RHAG: variants seen among roughly 807,000 people sequenced by gnomAD.
The protein encoded by RHAG is ammonium transporter Rh type A.
Under a neutral mutation model 42.4 loss-of-function variants are expected in RHAG, and 25 were observed. The observed-to-expected ratio is 0.59, with a 90% CI of 0.43 to 0.82. The LOEUF is 0.82. RHAG is among the 40% of genes least tolerant of loss of function. RHAG has a pLI of 0.00. For synonymous variants in RHAG, 182 were observed against 177.7 expected (o/e 1.02, Z -0.19); for missense variants, 483 against 504.6 (o/e 0.96, Z 0.41).
chr6:49,615,810 C>G, intron 3 of RHAG, 39 bp from the exon 4 acceptor site: 2 of 1,597,452 alleles, frequency 1.3e-6, no homozygotes, highest in Non-Finnish European at 1.7e-6. Context: ...TAGAGGTGAA[C>G]CTGAGACTCA....
intron 1 of RHAG, among the ~76,000 whole-genome samples, chr6:49,621,980 A>G (rs1457662079): frequency 6.7e-6 from 1 of 150,222 alleles, no homozygotes; most frequent in East Asian, 1.9e-4. Flanking sequence ...GTTTTTCCTA[A>G]CATTCTTTTT....
chr6:49,607,409 A>G (rs1024212490), intron 7 of RHAG, among the ~76,000 whole-genome samples, 189 bp from the exon 8 acceptor site: 1 of 152,228 alleles, frequency 6.6e-6, no homozygotes, highest in Admixed American at 6.5e-5. Flanking sequence ...GCAGTGTTAG[A>G]AAATTCTGAG....
intron 7 of RHAG, among the ~76,000 whole-genome samples, chr6:49,607,811 G>T (rs1762499206): frequency 6.6e-6 from 1 of 152,164 alleles, no homozygotes; most frequent in Admixed American, 6.6e-5. Context: ...GGAATGTGGG[G>T]ATCTTCTTAG....
intron 7 of RHAG, 67 bp from the exon 8 acceptor site, chr6:49,607,287 T>C: frequency 7.8e-7 from 1 of 1,282,004 alleles, no homozygotes; most frequent in South Asian, 1.2e-5. Flanking sequence ...TCTCACTCAC[T>C]GAGGGTGTGG....
chr6:49,607,054 C>CT, intron 8 of RHAG, 96 bp downstream of exon 8: 1 of 1,291,782 alleles, frequency 7.7e-7, no homozygotes. Flanking sequence ...AAGTTTAGAA[C>CT]ATTTTTGAAT....
At chr6:49,628,033 C>G (rs1039098291) in intron 1 of RHAG, among the ~76,000 whole-genome samples, 1 of 151,954 alleles carries the variant, frequency 6.6e-6, no homozygotes, top group African/African-American at 2.4e-5. Flanking sequence ...CAAAATGAAA[C>G]AAAACTCTCC....
intron 1 of RHAG, among the ~76,000 whole-genome samples, chr6:49,635,908 G>A (rs1467468155): frequency 6.6e-6 from 1 of 151,972 alleles, no homozygotes; most frequent in East Asian, 1.9e-4. Flanking sequence ...ATATAATAGT[G>A]ACATACTACT....
Position 49,607,213 on chromosome 6 carries a change from C to T in RHAG, c.1075G>A (p.Ala359Thr). The T allele has an allele frequency of 1.2e-6, 2 of 1,613,024 alleles. No homozygotes were observed. The highest frequency in any genetic ancestry group is 1.7e-6 in the Non-Finnish European group (2 of 1,179,366). The part of the protein sequence containing the change: ...VAMGASNTSM[A>T]MQAAALGSSI... ...GAACCCAGTGCAGCTGCCTGCATGG[C>T]CATAGACCTAAGGAAGCAAACAAAA... Residue 359 changes from alanine (A) to threonine (T), a missense_variant, in exon 8 of 10, where the codon GCC (alanine) becomes ACC (threonine). Coordinates refer to ENST00000371175, the MANE Select transcript of RHAG (RefSeq NM_000324.3).
intron 1 of RHAG, among the ~76,000 whole-genome samples, chr6:49,628,328 A>G (rs995300063): frequency 1.3e-5 from 2 of 152,056 alleles, no homozygotes; most frequent in Admixed American, 6.6e-5. Context: ...TCTGTTTTGT[A>G]GCGACAGGGT....
In RHAG at chr6:49,607,328, A is replaced by C. The variant is rs867010297; in HGVS notation, c.1068-108T>G. 46 of 789,516 alleles carry C rather than the reference A, an allele frequency of 5.8e-5. No homozygotes were observed. The African/African-American group carries it at 7.1e-4, about 12-fold the overall frequency. The allele number at this position is 789,516 out of a possible 1,614,324, so 48.9% of individuals were successfully genotyped here. On this transcript the variant is annotated intron_variant, in intron 7 of 9. Transcript: ENST00000371175. Reference sequence around the variant, plus strand: ...TGCCATCTTCAGGCCAGAGTGTAACATTACACAGCAGCAAATTAAGCATTT... The same window carrying C: ...TGCCATCTTCAGGCCAGAGTGTAACCTTACACAGCAGCAAATTAAGCATTT...
intron 1 of RHAG, among the ~76,000 whole-genome samples, chr6:49,621,829 G>C (rs1241672514): frequency 6.6e-6 from 1 of 152,064 alleles, no homozygotes. Context: ...AAGTGTCTTA[G>C]CTCTACAATT....
chr6:49,621,818 A>G (rs1762763108), intron 1 of RHAG, among the ~76,000 whole-genome samples: 1 of 152,198 alleles, frequency 6.6e-6, no homozygotes, highest in African/African-American at 2.4e-5. Flanking sequence ...CATGATGTCT[A>G]AAGTGTCTTA....
At chr6:49,634,599 A>G (rs80329435) in intron 1 of RHAG, among the ~76,000 whole-genome samples, 2 of 152,222 alleles carry the variant, frequency 1.3e-5, no homozygotes, top group East Asian at 1.9e-4. Context: ...ATAAAAAAAA[A>G]TGTGGCATAT....
At position 49,636,780 on chromosome 6, in the gene RHAG, G is replaced by A; in HGVS notation, c.33C>T (p.Val11=). The change falls in exon 1 of 10, where the codon GTC becomes GTT. Residue 11 remains valine, a synonymous_variant. Transcript: ENST00000371175. ...ATAAAACAATCATGGCAATTTCCAG[G>A]ACTATAGCCATGAGAGGGAATGTGA... The part of the protein sequence containing the change: MRFTFPLMAI[V]LEIAMIVLFG... 2 of 1,613,886 alleles carry A rather than the reference G, an allele frequency of 1.2e-6. No homozygotes were observed. Among genetic ancestry groups the A allele is most frequent in the Non-Finnish European group, 1.7e-6 (2 of 1,179,788 alleles).
intron 1 of RHAG, among the ~76,000 whole-genome samples, chr6:49,619,705 C>T (rs1487505355): frequency 6.6e-6 from 1 of 152,188 alleles, no homozygotes; most frequent in African/African-American, 2.4e-5. Context: ...GAAGACTTTC[C>T]CAATACTCTC....
chr6:49,605,878 C>A (rs1228775333), intron 9 of RHAG, 48 bp from the exon 10 acceptor site: 1 of 1,496,778 alleles, frequency 6.7e-7, no homozygotes, highest in Admixed American at 1.7e-5. Context: ...TTTCACTGTT[C>A]TTGTCAGAAA....
At chr6:49,622,830 C>CTT (rs775763178) in intron 1 of RHAG, among the ~76,000 whole-genome samples, 2,310 of 129,988 alleles carry the variant, frequency 0.018, 104 homozygotes, top group African/African-American at 0.046. Flanking sequence ...GAAAACCAGA[C>CTT]TTTTTTTTTT....
At chr6:49,617,933 T>C in intron 3 of RHAG, 135 bp downstream of exon 3, 1 of 753,676 alleles carries the variant, frequency 1.3e-6, no homozygotes, top group South Asian at 1.6e-5. Flanking sequence ...ACTCAGTAAA[T>C]GATGGTTATT....
Position 49,612,516 on chromosome 6 carries a change from T to A in RHAG, c.826A>T (p.Thr276Ser). Residue 276 changes from threonine to serine, a missense_variant, in exon 6 of 10, where the codon ACC becomes TCC. Physicochemically the swap from Thr to Ser is moderately conservative, Grantham distance 58 (BLOSUM62 1). Transcript: ENST00000371175. ...CCCACAGCAACTCCTCCAGCAAGGG[T>A]GGCATTCTGAATGTGAACCTGTGTG... ...KLNMVHIQNA[T>S]LAGGVAVGTC... is the part of the protein sequence containing the mutation. 1 of 1,613,992 alleles carries A rather than the reference T, an allele frequency of 6.2e-7. No individual in the cohort carries two copies. The highest frequency in any genetic ancestry group is 8.5e-7 in the Non-Finnish European group (1 of 1,179,970).
Sources: allele counts gnomAD v4.1 joint callset (sites outside exome capture counted in the v4.1 genomes callset), GRCh38; gene constraint gnomAD v4.1.1; transcripts MANE v1.5; gene names NCBI Gene and HGNC (gene_info 2026-07-23, HGNC 2026-07-21).